The following TSPAN12 variants were observed in gnomAD, a reference collection of about 807,000 sequenced individuals.
TSPAN12 encodes the protein tetraspanin-12.
TSPAN12 carries 19 observed loss-of-function variants against 39.2 expected under a neutral mutation model. The ratio of observed to expected loss-of-function variants is 0.49; its 90% confidence interval spans 0.34 to 0.71. TSPAN12 has a LOEUF of 0.71. Ranked by LOEUF, TSPAN12 falls within the 30% of genes least tolerant of loss-of-function variation. TSPAN12 has a pLI of 0.01. For synonymous variants in TSPAN12, 119 were observed against 124.8 expected (o/e 0.95, Z 0.31); for missense variants, 314 against 359.9 (o/e 0.87, Z 1.03).
chr7:120,855,191 A>C (rs1440872514), intron 2 of TSPAN12, among the ~76,000 whole-genome samples: 2 of 152,192 alleles, frequency 1.3e-5, no homozygotes, highest in Non-Finnish European at 2.9e-5. Flanking sequence ...AAGGTTCAAA[A>C]CTCAGTAAGG....
At chr7:120,806,119 T>G (rs1251200930) in intron 7 of TSPAN12, among the ~76,000 whole-genome samples, 1 of 151,990 alleles carries the variant, frequency 6.6e-6, no homozygotes, top group East Asian at 1.9e-4. Context: ...TGGTAGCATT[T>G]TCTTTGGAGA....
intron 4 of TSPAN12, among the ~76,000 whole-genome samples, chr7:120,836,002 T>C (rs1794469527): frequency 1.3e-5 from 2 of 152,052 alleles, no homozygotes; most frequent in Admixed American, 1.3e-4. Context: ...TTGGTGTACA[T>C]TTGAGGTGTT....
At chr7:120,822,441 GGCATAATCCCAGGGAAAACT>G (rs1220738978) in intron 4 of TSPAN12, among the ~76,000 whole-genome samples, 13 of 151,854 alleles carry the variant, frequency 8.6e-5, no homozygotes, top group African/African-American at 2.7e-4. Context: ...TATTTTAAAA[GGCATAATCCCAGGGAAAACT>G]GCATAATCCC....
chr7:120,792,965 C>A (rs954689481), intron 7 of TSPAN12, among the ~76,000 whole-genome samples: 7 of 152,214 alleles, frequency 4.6e-5, no homozygotes, highest in Admixed American at 4.6e-4. Context: ...CCTGTCCACA[C>A]CGGAACAACA....
chr7:120,810,718 C>A, intron 5 of TSPAN12, 148 bp from the exon 6 acceptor site: 1 of 651,342 alleles, frequency 1.5e-6, no homozygotes. Flanking sequence ...TATATTTGCT[C>A]ATGGCCTAAA....
intron 3 of TSPAN12, among the ~76,000 whole-genome samples, chr7:120,839,426 C>T (rs779546657): frequency 2.6e-5 from 4 of 152,020 alleles, no homozygotes; most frequent in Non-Finnish European, 5.9e-5. Context: ...TGCTAGAACA[C>T]GATGAAAAAT....
At chr7:120,821,100 T>C (rs1235450041) in intron 4 of TSPAN12, among the ~76,000 whole-genome samples, 1 of 152,174 alleles carries the variant, frequency 6.6e-6, no homozygotes, top group African/African-American at 2.4e-5. Flanking sequence ...AATGTCATTA[T>C]TTCCATTATA....
At chr7:120,796,024 C>T (rs1456895264) in intron 7 of TSPAN12, among the ~76,000 whole-genome samples, 5 of 151,942 alleles carry the variant, frequency 3.3e-5, no homozygotes, top group African/African-American at 9.7e-5. Context: ...GGTAGAATAA[C>T]GAAATGTAAA....
intron 7 of TSPAN12, 60 bp from the exon 8 acceptor site, chr7:120,788,957 T>G (rs1793465805): frequency 6.5e-7 from 1 of 1,543,574 alleles, no homozygotes. Context: ...CCAAAAATAG[T>G]TAATGAAAGC....
rs751690853 is a variant in TSPAN12, at chr7:120,788,628, G to C, written c.882C>G (p.Asn294Lys). ...SRIFEHTSMA[N>K]SFNTHFEMEE... is the part of the protein sequence containing the mutation. ...CCATCTCAAAGTGTGTATTAAAGCT[G>C]TTTGCCATGGATGTGTGTTCAAAGA... The change falls in exon 8 of 8, where the codon AAC becomes AAG. Residue 294 changes from asparagine to lysine, a missense_variant. By Grantham distance (94) the Asn-to-Lys change is moderately conservative. Coordinates refer to ENST00000222747, the MANE Select transcript of TSPAN12 (RefSeq NM_012338.4). 1.2e-6 allele frequency: 2 copies of C among 1,614,142 alleles called. No individual in the cohort carries two copies. Among genetic ancestry groups the C allele is most frequent in the Non-Finnish European group, 1.7e-6 (2 of 1,179,996 alleles).
chr7:120,805,094 T>C (rs895395180), intron 7 of TSPAN12, among the ~76,000 whole-genome samples: 2 of 152,108 alleles, frequency 1.3e-5, no homozygotes, highest in African/African-American at 4.8e-5. Context: ...TAGGAAATTA[T>C]AACAATTTTT....
intron 2 of TSPAN12, among the ~76,000 whole-genome samples, chr7:120,847,513 T>C (rs1394071227): frequency 1.3e-5 from 2 of 152,220 alleles, no homozygotes; most frequent in Admixed American, 1.3e-4. Context: ...AAAACCTGTA[T>C]GTCCCTCCCA....
At chr7:120,839,971 G>C (rs1584949039) in intron 3 of TSPAN12, 56 bp downstream of exon 3, 1 of 1,447,034 alleles carries the variant, frequency 6.9e-7, no homozygotes, top group East Asian at 2.3e-5. Flanking sequence ...AATAGCTGAG[G>C]GCAAAGTTAC....
At position 120,810,624 on chromosome 7, in the gene TSPAN12, TCACACA is replaced by T. The variant is rs112555207; in HGVS notation, c.361-60_361-55del. Reference sequence around the variant, plus strand: ...CTGTAGCTCACACACAGACACAGATTCACACACACACACACACACACACACACACAC... The same window carrying T: ...CTGTAGCTCACACACAGACACAGATTCACACACACACACACACACACACAC... On this transcript the variant is annotated intron_variant, in intron 5 of 7. Transcript: ENST00000222747. The T allele has an allele frequency of 1.3e-3, 900 of 715,834 alleles. 2 individuals are homozygous for T. Among genetic ancestry groups the T allele is most frequent in the African/African-American group, 8.8e-3 (497 of 56,206 alleles). 44.3% of individuals were successfully genotyped at this position (715,834 alleles called of 1,614,324 possible).
intron 2 of TSPAN12, among the ~76,000 whole-genome samples, chr7:120,853,156 C>A (rs531915107): frequency 2.1e-4 from 32 of 149,888 alleles, no homozygotes; most frequent in African/African-American, 7.9e-4. Context: ...TGCAGTGGGG[C>A]AATCTCTGCT....
rs763815303 is a variant in TSPAN12 at position 120,810,506 on chromosome 7, C to T, written c.425G>A (p.Arg142Lys). The T allele has an allele frequency of 6.2e-7, 1 of 1,613,866 alleles. No individual in the cohort carries two copies. Among genetic ancestry groups the T allele is most frequent in the South Asian group, 1.1e-5 (1 of 91,062 alleles). The change falls in exon 6 of 8, where the codon AGA (arginine) becomes AAA (lysine). Residue 142 changes from arginine to lysine, a missense_variant. Physicochemically the swap from Arg to Lys is conservative, Grantham distance 26 (BLOSUM62 2). Transcript: ENST00000222747. Reference protein sequence around the residue: ...KARMTNYGLPRYRWLTHAWNF... With the variant: ...KARMTNYGLPKYRWLTHAWNF... ...CCAAGCATGAGTAAGCCACCGATAT[C>T]TAGGTAATCCATAATTTGTCATCCT...
chr7:120,794,201 A>G (rs1051033199), intron 7 of TSPAN12, among the ~76,000 whole-genome samples: 2 of 152,236 alleles, frequency 1.3e-5, no homozygotes, highest in Admixed American at 6.5e-5. Flanking sequence ...GAGTGTAATT[A>G]TATAAGTAAA....
intron 4 of TSPAN12, among the ~76,000 whole-genome samples, chr7:120,816,610 G>C (rs1287740634): frequency 6.6e-6 from 1 of 152,044 alleles, no homozygotes; most frequent in Non-Finnish European, 1.5e-5. Flanking sequence ...GTCAGAAAGA[G>C]GAATGAGAAG....
chr7:120,791,752 T>C (rs1359959215), intron 7 of TSPAN12, among the ~76,000 whole-genome samples: 2 of 152,344 alleles, frequency 1.3e-5, no homozygotes, highest in East Asian at 3.9e-4. Flanking sequence ...TCTTAAACAA[T>C]CACATTTATT....
Sources: allele counts gnomAD v4.1 joint callset (sites outside exome capture counted in the v4.1 genomes callset), GRCh38; gene constraint gnomAD v4.1.1; transcripts MANE v1.5; gene names NCBI Gene and HGNC (gene_info 2026-07-23, HGNC 2026-07-21).